Variants in MYO1H observed in about 807,000 individuals in gnomAD.
MYO1H encodes the protein unconventional myosin-Ih.
Under a neutral mutation model 149.3 loss-of-function variants are expected in MYO1H, and 118 were observed. The observed-to-expected ratio is 0.79, with a 90% CI of 0.68 to 0.92. The LOEUF (loss-of-function observed/expected upper bound fraction) is 0.92, where lower values mean the gene tolerates loss of function less well. Ranked by LOEUF, MYO1H falls within the 40% of genes least tolerant of loss-of-function variation. MYO1H has a pLI of 0.00. For missense variants in MYO1H, 1,212 were observed against 1,280.7 expected (o/e 0.95, Z 0.82); for synonymous variants, 447 against 465.2 (o/e 0.96, Z 0.50).
intron 1 of MYO1H, chr12:109,354,055 TCAAA>T (rs1181707080): frequency 1.3e-5 from 2 of 152,134 alleles, no homozygotes; most frequent in Non-Finnish European, 2.9e-5. Context: ...TCTTCTGTAA[TCAAA>T]CAAAAAGATC....
chr12:109,392,220 C>T (rs1001090052), intron 2 of MYO1H, among the ~76,000 whole-genome samples: 16 of 152,168 alleles, frequency 1.1e-4, no homozygotes, highest in African/African-American at 3.9e-4. Flanking sequence ...CGTGGGAGCC[C>T]ACGGAGCCTG....
chr12:109,317,123 G>A, the MYO1H span, among the ~76,000 whole-genome samples: 4 of 152,160 alleles, frequency 2.6e-5, no homozygotes, highest in Non-Finnish European at 5.9e-5. Context: ...AGATGAAAAG[G>A]ACTGACTCTG....
chr12:109,380,802 C>T (rs1049995133), intron 1 of MYO1H, among the ~76,000 whole-genome samples: 4 of 151,984 alleles, frequency 2.6e-5, no homozygotes, highest in African/African-American at 9.7e-5. Flanking sequence ...AAAAATTAGC[C>T]AGGCATGGTG....
At chr12:109,361,210 G>A (rs1430987904) in intron 1 of MYO1H, among the ~76,000 whole-genome samples, 1 of 152,124 alleles carries the variant, frequency 6.6e-6, no homozygotes, top group Non-Finnish European at 1.5e-5. Flanking sequence ...ACTGAAAAGT[G>A]CATAAAATAA....
intron 1 of MYO1H, among the ~76,000 whole-genome samples, chr12:109,385,755 G>A (rs1566022293): frequency 6.6e-6 from 1 of 152,108 alleles, no homozygotes; most frequent in Non-Finnish European, 1.5e-5. Flanking sequence ...TTTATGCAAA[G>A]TAAACAGAAT....
At position 109,441,574 on chromosome 12, in the gene MYO1H, C is replaced by A. The variant is rs1358431729; in HGVS notation, c.2539-41C>A. The stretch of plus-strand genomic sequence containing the variant: ...TAGAGCTCTTCTATCCCAAAGAAGC[C>A]TGTGGCTACCATTTTTATACTTTCA... On this transcript the variant is annotated intron_variant, in intron 25 of 31. Coordinates refer to ENST00000310903, the Ensembl canonical transcript of MYO1H. The A allele has an allele frequency of 2.8e-6, 4 of 1,422,374 alleles. No homozygotes were observed. In the Admixed American group the frequency reaches 5.6e-5, roughly 20 times the overall value. 88.1% of individuals were successfully genotyped at this position (1,422,374 alleles called of 1,614,324 possible). A position where few individuals can be genotyped will look rare whatever the true frequency, so the allele number is the denominator to read the frequency against.
At chr12:109,362,714 G>A (rs1868781154) in intron 1 of MYO1H, among the ~76,000 whole-genome samples, 1 of 152,150 alleles carries the variant, frequency 6.6e-6, no homozygotes, top group South Asian at 2.1e-4. Context: ...CACAGATGAG[G>A]ACATTCCTTT....
chr12:109,339,001 A>G, the MYO1H span, among the ~76,000 whole-genome samples: 4 of 152,274 alleles, frequency 2.6e-5, no homozygotes, highest in South Asian at 8.3e-4. Context: ...ATAAGAGAAT[A>G]GTTTGTTCAT....
intron 6 of MYO1H, among the ~76,000 whole-genome samples, chr12:109,401,863 C>T (rs546894121): frequency 6.6e-6 from 1 of 152,148 alleles, no homozygotes; most frequent in South Asian, 2.1e-4. Context: ...TCTCAGCCTC[C>T]CAAGTAGCTA....
At chr12:109,365,949 G>A (rs921512250) in intron 1 of MYO1H, among the ~76,000 whole-genome samples, 1 of 152,182 alleles carries the variant, frequency 6.6e-6, no homozygotes, top group African/African-American at 2.4e-5. Flanking sequence ...GGCAGCATTA[G>A]ACTCTCACAG....
chr12:109,328,974 G>A, the MYO1H span, among the ~76,000 whole-genome samples: 1 of 150,822 alleles, frequency 6.6e-6, no homozygotes, highest in Non-Finnish European at 1.5e-5. Flanking sequence ...TGAGACTTTT[G>A]TTCCTAACAG....
intron 5 of MYO1H, among the ~76,000 whole-genome samples, chr12:109,400,350 G>A (rs963444161): frequency 5.9e-5 from 9 of 152,150 alleles, no homozygotes; most frequent in African/African-American, 2.2e-4. Flanking sequence ...CCATACCCTT[G>A]CCAACATTTA....
chr12:109,417,909 G>A (rs925302740), intron 15 of MYO1H, among the ~76,000 whole-genome samples: 2 of 151,508 alleles, frequency 1.3e-5, no homozygotes, highest in East Asian at 2.0e-4. Flanking sequence ...TCCGCCTCCC[G>A]GATTCATGCC....
chr12:109,320,662 GAAGAA>G, the MYO1H span, among the ~76,000 whole-genome samples: 1 of 150,074 alleles, frequency 6.7e-6, no homozygotes. Flanking sequence ...TTTTGTATGT[GAAGAA>G]AAGTAAGCTG....
chr12:109,418,692 G>GCGCC (rs563510726), intron 15 of MYO1H, among the ~76,000 whole-genome samples: 140 of 1,798 alleles, frequency 0.078, 2 homozygotes, highest in African/African-American at 0.28. Flanking sequence ...GGGACTACAG[G>GCGCC]CACCCCACGC....
chr12:109,384,074 C>A (rs970056525), intron 1 of MYO1H, among the ~76,000 whole-genome samples: 1 of 152,212 alleles, frequency 6.6e-6, no homozygotes, highest in Non-Finnish European at 1.5e-5. Context: ...TTCCAAACTT[C>A]TGACTTAAAT....
intron 1 of MYO1H, among the ~76,000 whole-genome samples, chr12:109,375,156 ATTTTTT>A (rs71079553): frequency 8.0e-6 from 1 of 124,264 alleles, no homozygotes; most frequent in Admixed American, 8.3e-5. Context: ...TGCCCGGCGG[ATTTTTT>A]TTTTTTTTTT....
intron 1 of MYO1H, among the ~76,000 whole-genome samples, chr12:109,385,568 C>T (rs1566022255): frequency 6.6e-6 from 1 of 152,158 alleles, no homozygotes; most frequent in Non-Finnish European, 1.5e-5. Context: ...GCCAGGATTA[C>T]AAACACGAGC....
the MYO1H span, among the ~76,000 whole-genome samples, chr12:109,321,275 A>G: frequency 0.012 from 1,849 of 152,004 alleles, 24 homozygotes; most frequent in Middle Eastern, 0.031. Flanking sequence ...TACTGAGGCC[A>G]GGCATGGTGG....
Sources: allele counts gnomAD v4.1 joint callset (sites outside exome capture counted in the v4.1 genomes callset), GRCh38; gene constraint gnomAD v4.1.1; transcripts MANE v1.5; gene names NCBI Gene and HGNC (gene_info 2026-07-23, HGNC 2026-07-21).